The following LRP1B variants were observed in gnomAD, a reference collection of about 807,000 sequenced individuals.
LRP1B encodes low-density lipoprotein receptor-related protein 1B.
In LRP1B, 217 loss-of-function variants were observed where a neutral mutation model predicts 556.6. That is an observed-to-expected ratio of 0.39 (90% CI 0.35 to 0.44). The LOEUF is 0.44. LRP1B is among the 20% of genes least tolerant of loss of function. The probability of loss-of-function intolerance (pLI) is 1.00; values close to 1 mark genes in which losing one functional copy is unlikely to be tolerated. For missense variants in LRP1B, 5,053 were observed against 5,620.8 expected (o/e 0.90, Z 3.23); for synonymous variants, 2,047 against 1,865.8 (o/e 1.10, Z -2.50).
At chr2:140,937,193 AAAAAGTACT>A (rs1695254703) in intron 20 of LRP1B, among the ~76,000 whole-genome samples, 2 of 152,150 alleles carry the variant, frequency 1.3e-5, no homozygotes, top group South Asian at 4.1e-4. Context: ...ATTGAGGAAC[AAAAAGTACT>A]AAAGGGCACA....
At chr2:140,934,133 TAA>T (rs1400444704) in intron 20 of LRP1B, among the ~76,000 whole-genome samples, 1 of 152,108 alleles carries the variant, frequency 6.6e-6, no homozygotes, top group African/African-American at 2.4e-5. Flanking sequence ...AATTAGAACT[TAA>T]GTTTTACTTT....
intron 77 of LRP1B, among the ~76,000 whole-genome samples, chr2:140,342,981 ACAAAG>A (rs1418863996): frequency 6.6e-6 from 1 of 150,584 alleles, no homozygotes; most frequent in Admixed American, 6.6e-5. Context: ...ACCATCAGAA[ACAAAG>A]CAAATTCATT....
chr2:141,612,049 T>TAATA (rs1688125554), intron 2 of LRP1B, among the ~76,000 whole-genome samples: 3 of 152,228 alleles, frequency 2.0e-5, no homozygotes, highest in Non-Finnish European at 4.4e-5. Context: ...TTATTACCTG[T>TAATA]AACTGTATGC....
At chr2:141,516,538 A>G (rs1684317680) in intron 2 of LRP1B, among the ~76,000 whole-genome samples, 1 of 152,106 alleles carries the variant, frequency 6.6e-6, no homozygotes, top group Non-Finnish European at 1.5e-5. Flanking sequence ...GCTCAATCCA[A>G]TATGATTTGT....
chr2:141,788,710 T>C (rs1164100427), intron 2 of LRP1B, among the ~76,000 whole-genome samples: 9 of 105,516 alleles, frequency 8.5e-5, no homozygotes, highest in African/African-American at 2.6e-4. Context: ...CACAACAGGC[T>C]CTGGTGTGTG....
At chr2:141,634,871 G>T (rs1689050988) in intron 2 of LRP1B, among the ~76,000 whole-genome samples, 1 of 151,902 alleles carries the variant, frequency 6.6e-6, no homozygotes, top group Non-Finnish European at 1.5e-5. Flanking sequence ...CTCATTGACA[G>T]TAGAGATATT....
chr2:140,545,127 A>G (rs1232945296), intron 43 of LRP1B, among the ~76,000 whole-genome samples: 1 of 140,542 alleles, frequency 7.1e-6, no homozygotes, highest in Admixed American at 7.3e-5. Context: ...TCCTTTGCCC[A>G]CATTTTTATG....
chr2:140,451,807 G>GA (rs1686898621), intron 62 of LRP1B, among the ~76,000 whole-genome samples: 2 of 149,786 alleles, frequency 1.3e-5, no homozygotes, highest in African/African-American at 2.5e-5. Context: ...TGAAGGCACA[G>GA]AAAAAAACAT....
At chr2:141,280,197 C>T (rs1257004316) in intron 3 of LRP1B, among the ~76,000 whole-genome samples, 6 of 152,068 alleles carry the variant, frequency 3.9e-5, no homozygotes, top group African/African-American at 1.2e-4. Context: ...CTCTGAATTA[C>T]ATTGCCTTTC....
intron 18 of LRP1B, among the ~76,000 whole-genome samples, chr2:140,974,318 T>C (rs953606541): frequency 2.6e-5 from 4 of 152,164 alleles, no homozygotes; most frequent in Non-Finnish European, 5.9e-5. Flanking sequence ...AGAATTCCTA[T>C]ATTGGAAAAG....
At chr2:140,753,996 A>C (rs979541901) in intron 35 of LRP1B, among the ~76,000 whole-genome samples, 5 of 152,158 alleles carry the variant, frequency 3.3e-5, no homozygotes, top group African/African-American at 1.2e-4. Flanking sequence ...GTAGCACAGA[A>C]GTTCTATGCC....
intron 32 of LRP1B, among the ~76,000 whole-genome samples, chr2:140,789,156 T>C (rs1037851010): frequency 9.2e-5 from 14 of 152,228 alleles, no homozygotes; most frequent in Admixed American, 6.5e-4. Flanking sequence ...CTGTAGAAAA[T>C]ATTAACAAGA....
chr2:140,868,400 C>T (rs1398373199), intron 25 of LRP1B, 137 bp from the exon 26 acceptor site: 13 of 720,058 alleles, frequency 1.8e-5, no homozygotes, highest in Non-Finnish European at 2.7e-5. Context: ...TATCTATCCT[C>T]GTGGGGCTTA....
chr2:141,493,232 T>C (rs1046649074), intron 2 of LRP1B, among the ~76,000 whole-genome samples: 4 of 152,182 alleles, frequency 2.6e-5, no homozygotes, highest in Non-Finnish European at 5.9e-5. Flanking sequence ...GTTTCTTTAT[T>C]ACTGTACTAC....
In LRP1B at chr2:140,358,086, T is replaced by G. The variant is rs572593531; in HGVS notation, c.11288A>C (p.Lys3763Thr). 6.2e-7 allele frequency: 1 copy of G among 1,611,274 alleles called. No homozygotes were observed. The highest frequency in any genetic ancestry group is 2.2e-5 in the East Asian group (1 of 44,718). Residue 3763 changes from lysine (K) to threonine (T), a missense_variant, in exon 74 of 91, where the codon AAA becomes ACA. Lys to Thr is a moderately conservative substitution (Grantham distance 78). Around this residue, in one of 5 missense-constraint regions of LRP1B, gnomAD observed 599 missense variants for 648.4 expected, o/e 0.92. Transcript: ENST00000389484. ...ATTACTACAAGCAAACTCATCCTTT[T>G]TACAAGGCCTTGCTTTATATGTCAG... ...GKLTYKARPC[K>T]KDEFACSNKK...
chr2:141,499,452 G>A (rs1200878077), intron 2 of LRP1B, among the ~76,000 whole-genome samples: 2 of 151,994 alleles, frequency 1.3e-5, no homozygotes, highest in Non-Finnish European at 2.9e-5. Context: ...TGTATCCTGT[G>A]TATGATCTCT....
At chr2:140,398,778 A>G (rs1338547864) in intron 66 of LRP1B, among the ~76,000 whole-genome samples, 1 of 152,172 alleles carries the variant, frequency 6.6e-6, no homozygotes, top group African/African-American at 2.4e-5. Flanking sequence ...CAAATTCTGA[A>G]ACTGAAGAAA....
intron 1 of LRP1B, among the ~76,000 whole-genome samples, chr2:141,920,497 G>T (rs1700157782): frequency 6.6e-6 from 1 of 151,928 alleles, no homozygotes; most frequent in African/African-American, 2.4e-5. Context: ...AAAACTTGGA[G>T]GTGAACTCAA....
At chr2:141,023,501 C>A (rs1698125917) in intron 11 of LRP1B, among the ~76,000 whole-genome samples, 2 of 151,646 alleles carry the variant, frequency 1.3e-5, no homozygotes, top group African/African-American at 2.4e-5. Flanking sequence ...TAGACTAGAC[C>A]AAATAAACAT....
Sources: gnomAD v4.1 joint callset for allele counts (sites outside exome capture counted in the v4.1 genomes callset) on GRCh38, gnomAD v4.1.1 for gene constraint, gnomAD v4.1.1 regional missense constraint, MANE v1.5 for transcripts, NCBI Gene and HGNC (gene_info 2026-07-23, HGNC 2026-07-21) for gene names.